Variants in GFM1 observed in about 807,000 individuals in gnomAD.
The protein encoded by GFM1 is G elongation factor mitochondrial 1.
In GFM1, 62 loss-of-function variants were observed where a neutral mutation model predicts 96.2. That is an observed-to-expected ratio of 0.64 (90% CI 0.53 to 0.80). The LOEUF is 0.80. GFM1 is among the 30% of genes least tolerant of loss of function. The pLI, the probability that GFM1 is intolerant of heterozygous loss-of-function variation, is 0.00. For synonymous variants in GFM1, 282 were observed against 312.9 expected (o/e 0.90, Z 1.04); for missense variants, 852 against 916.6 (o/e 0.93, Z 0.91).
intron 9 of GFM1, 143 bp downstream of exon 9, chr3:158,659,202 C>G: frequency 1.1e-6 from 1 of 928,010 alleles, no homozygotes; most frequent in South Asian, 1.6e-5. Context: ...TGTTGTAGCT[C>G]TGATCTAGCA....
At chr3:158,651,200 C>T (rs974627851) in intron 5 of GFM1, among the ~76,000 whole-genome samples, 2 of 151,832 alleles carry the variant, frequency 1.3e-5, no homozygotes, top group African/African-American at 2.4e-5. Context: ...ATTTAGTCAC[C>T]GTTTTTTTAA....
chr3:158,689,527 A>G (rs979380079), intron 15 of GFM1, among the ~76,000 whole-genome samples: 15 of 152,104 alleles, frequency 9.9e-5, no homozygotes, highest in African/African-American at 3.6e-4. Flanking sequence ...TTATTTTCTT[A>G]TAATTAAAAA....
At chr3:158,644,755 G>T in intron 1 of GFM1, 40 bp downstream of exon 1, 2 of 1,509,214 alleles carry the variant, frequency 1.3e-6, no homozygotes, top group African/African-American at 1.4e-5. Context: ...ACCATTCCCG[G>T]AACCTTGTGA....
At chr3:158,681,958 A>G (rs772429502) in intron 13 of GFM1, 37 bp from the exon 14 acceptor site, 69 of 1,540,940 alleles carry the variant, frequency 4.5e-5, no homozygotes, top group Non-Finnish European at 6.1e-5. Flanking sequence ...TTGTAATTAC[A>G]TAATGCTCCA....
At chr3:158,666,080 A>G (rs1380259703) in intron 12 of GFM1, among the ~76,000 whole-genome samples, 1 of 152,224 alleles carries the variant, frequency 6.6e-6, no homozygotes, top group African/African-American at 2.4e-5. Context: ...AATTGGAGGT[A>G]AATATAAATT....
intron 13 of GFM1, among the ~76,000 whole-genome samples, chr3:158,677,333 A>G (rs2108084045): frequency 6.6e-6 from 1 of 152,286 alleles, no homozygotes; most frequent in South Asian, 2.1e-4. Context: ...AAAGTTGCAG[A>G]AGAAAAGTTT....
At chr3:158,677,685 A>T (rs1044039923) in intron 13 of GFM1, among the ~76,000 whole-genome samples, 1 of 151,994 alleles carries the variant, frequency 6.6e-6, no homozygotes, top group Non-Finnish European at 1.5e-5. Context: ...TTGTATTTTT[A>T]GTAGAAACAG....
In GFM1 at chr3:158,694,001, TTTTG is replaced by T. The variant is rs1057442210; in HGVS notation, c.*2538_*2541del. Among the ~76,000 whole-genome samples the T allele has an allele frequency of 6.6e-6, 1 of 152,106 alleles. No homozygotes were observed. The highest frequency in any genetic ancestry group is 2.4e-5 in the African/African-American group (1 of 41,388). On this transcript the variant is annotated 3_prime_UTR_variant, in exon 18 of 18. Coordinates refer to ENST00000486715, the MANE Select transcript of GFM1 (RefSeq NM_024996.7). ...TTTGTGTGATATTAGAGTTTGGTTT[TTTTG>T]TTTAACAACTGTTTTTTTTTTTAAG... is the stretch of plus-strand genomic sequence containing the variant.
chr3:158,675,310 A>AAGG lies in GFM1; in HGVS notation c.1602-6685_1602-6684insAGG, dbSNP rs370161147. On this transcript the variant is annotated intron_variant, in intron 13 of 17. Transcript: ENST00000486715. ...CAAAAAAAAAAAAAAAAAAAAAAAA[A>AAGG]CAAGTTTTCAAGATAAAAGAGGAGC... 1.0e-3 allele frequency among the ~76,000 whole-genome samples: 115 copies of AAGG among 114,026 alleles called. 27 individuals are homozygous for AAGG. The highest frequency in any genetic ancestry group is 1.5e-3 in the African/African-American group (41 of 28,258). The allele number at this position is 114,026 out of a possible 152,430, so 74.8% of individuals were successfully genotyped here.
At chr3:158,666,630 G>T (rs1723713955) in intron 13 of GFM1, 3 of 1,601,888 alleles carry the variant, frequency 1.9e-6, no homozygotes, top group African/African-American at 2.7e-5. Flanking sequence ...TACACTTCCA[G>T]TGTTAGGGTT....
At chr3:158,673,498 C>CTT (rs1724563830) in intron 13 of GFM1, among the ~76,000 whole-genome samples, 7 of 107,908 alleles carry the variant, frequency 6.5e-5, no homozygotes, top group Non-Finnish European at 9.6e-5. Context: ...ACCTTTTTTT[C>CTT]TTTTCTTTTC....
Position 158,644,619 on chromosome 3 carries a change from G to A in GFM1, c.-16G>A, listed in dbSNP as rs543432802. The A allele has an allele frequency of 6.4e-6, 10 of 1,561,656 alleles. No homozygotes were observed. The African/African-American group carries it at 1.1e-4, about 17-fold the overall frequency. On this transcript the variant is annotated 5_prime_UTR_variant, in exon 1 of 18. The change creates a new upstream start codon in the 5' untranslated region. Coordinates refer to ENST00000486715, the MANE Select transcript of GFM1 (RefSeq NM_024996.7). ...ACCCGGCGCCACGGGACTTTGACGC[G>A]TGCTCTGCGCTTGCCATGAGACTCC... is the stretch of plus-strand genomic sequence containing the variant.
At position 158,677,737 on chromosome 3, in the gene GFM1, C is replaced by T. The variant is rs576083341; in HGVS notation, c.1602-4258C>T. 1.4e-3 allele frequency among the ~76,000 whole-genome samples: 212 copies of T among 152,100 alleles called. 1 individual carries two copies. The highest frequency in any genetic ancestry group is 2.4e-3 in the Non-Finnish European group (164 of 67,976). On this transcript the variant is annotated intron_variant, in intron 13 of 17. Transcript: ENST00000486715. ...CAAGCTGGTCTCAAACTCCTGACCT[C>T]GTGATCCACCTGCCTCGGCCTCCCA...
intron 13 of GFM1, chr3:158,672,554 C>T: frequency 6.3e-7 from 1 of 1,579,556 alleles, no homozygotes; most frequent in South Asian, 1.1e-5. Context: ...GCCCGTCCTG[C>T]TTGCTGCTGG....
chr3:158,684,465 G>A, intron 14 of GFM1, 59 bp from the exon 15 acceptor site: 2 of 1,571,236 alleles, frequency 1.3e-6, no homozygotes, highest in South Asian at 1.1e-5. Flanking sequence ...TGGGGTTCTT[G>A]ATAATGTATC....
intron 13 of GFM1, among the ~76,000 whole-genome samples, chr3:158,668,220 C>T (rs1723904886): frequency 6.6e-6 from 1 of 152,092 alleles, no homozygotes. Context: ...GTAGTATTTG[C>T]GTATAACCTA....
chr3:158,655,394 G>A (rs1244879317), intron 8 of GFM1, among the ~76,000 whole-genome samples: 1 of 151,632 alleles, frequency 6.6e-6, no homozygotes, highest in African/African-American at 2.4e-5. Flanking sequence ...TGAGGCAGGA[G>A]AATTGCTTGA....
chr3:158,652,408 CTTTT>C (rs905296441), intron 6 of GFM1, among the ~76,000 whole-genome samples, 162 bp downstream of exon 6: 16 of 151,982 alleles, frequency 1.1e-4, no homozygotes, highest in African/African-American at 3.4e-4. Flanking sequence ...ACATGGTATA[CTTTT>C]TTTTAAGTGA....
chr3:158,688,403 G>A (rs1024700781), intron 15 of GFM1, among the ~76,000 whole-genome samples: 1 of 152,156 alleles, frequency 6.6e-6, no homozygotes, highest in Non-Finnish European at 1.5e-5. Flanking sequence ...GAAGAGAGCA[G>A]GGTAAGGGGA....
Sources: allele counts gnomAD v4.1 joint callset (sites outside exome capture counted in the v4.1 genomes callset), GRCh38; gene constraint gnomAD v4.1.1; transcripts MANE v1.5; gene names NCBI Gene and HGNC (gene_info 2026-07-23, HGNC 2026-07-21).